Variants in F5 observed in about 807,000 individuals in gnomAD.
The protein encoded by F5 is coagulation factor V, also known as activated protein c cofactor.
F5 carries 138 observed loss-of-function variants against 216.4 expected under a neutral mutation model. The observed-to-expected ratio is 0.64, with a 90% CI of 0.56 to 0.73. F5 has a LOEUF of 0.73. F5 is among the 30% of genes least tolerant of loss of function. The pLI is 0.00. For missense variants in F5, 2,403 were observed against 2,674.0 expected (o/e 0.90, Z 2.24); for synonymous variants, 916 against 930.7 (o/e 0.98, Z 0.29).
chr1:169,569,358 C>G (rs2298907), intron 3 of F5, among the ~76,000 whole-genome samples: 41,856 of 151,914 alleles, frequency 0.28, 6,084 homozygotes, highest in South Asian at 0.36. Context: ...TATTATAGAA[C>G]TAATTTTGTG....
chr1:169,567,543 T>A (rs1008832686), intron 3 of F5, among the ~76,000 whole-genome samples: 3 of 19,972 alleles, frequency 1.5e-4, no homozygotes, highest in African/African-American at 1.1e-3. Context: ...GTAAAAGTAC[T>A]TTTTTTTTTT....
At chr1:169,526,084 C>T (rs757239401) in intron 17 of F5, 67 bp from the exon 18 acceptor site, 14 of 1,066,074 alleles carry the variant, frequency 1.3e-5, no homozygotes, top group East Asian at 2.4e-5. Flanking sequence ...TGATAGTTCT[C>T]TAAGAATCCT....
At chr1:169,548,121 A>G (rs1660057633) in intron 10 of F5, among the ~76,000 whole-genome samples, 1 of 152,230 alleles carries the variant, frequency 6.6e-6, no homozygotes, top group South Asian at 2.1e-4. Flanking sequence ...GTTTTCACTT[A>G]CAAGTGAAAG....
chr1:169,532,387 A>C (rs573819305), intron 14 of F5, among the ~76,000 whole-genome samples: 35 of 152,302 alleles, frequency 2.3e-4, no homozygotes, highest in African/African-American at 8.2e-4. Context: ...GCAACCAAAG[A>C]AGAAAAGAAG....
At position 169,542,148 on chromosome 1, in the gene F5, G is replaced by T; in HGVS notation, c.2942C>A (p.Ala981Asp). The T allele has an allele frequency of 1.9e-6, 3 of 1,614,046 alleles. No individual in the cohort carries two copies. The highest frequency in any genetic ancestry group is 2.5e-6 in the Non-Finnish European group (3 of 1,179,982). The change falls in exon 13 of 25, where the codon GCT becomes GAT. Residue 981 changes from alanine (A) to aspartate (D), a missense_variant. Coordinates refer to ENST00000367797, the MANE Select transcript of F5 (RefSeq NM_000130.5). ...GGCAAGAGGGGTGCTTTCTCCCCAAGCACGTGAGGCATTCTGGGGGCTGAT... is the reference window on the plus strand; with the variant it reads ...GGCAAGAGGGGTGCTTTCTCCCCAATCACGTGAGGCATTCTGGGGGCTGAT... ...WLISPQNASR[A>D]WGESTPLANK...
At chr1:169,524,228 CT>C in intron 19 of F5, among the ~76,000 whole-genome samples, 1 of 152,352 alleles carries the variant, frequency 6.6e-6, no homozygotes, top group Non-Finnish European at 1.5e-5. Flanking sequence ...CCTCATCATC[CT>C]CTTGATCATG....
intron 11 of F5, among the ~76,000 whole-genome samples, chr1:169,545,839 T>G (rs1443161072): frequency 1.3e-5 from 2 of 152,226 alleles, no homozygotes; most frequent in Non-Finnish European, 2.9e-5. Context: ...TCCAGCTGGC[T>G]CAGTGACATT....
chr1:169,531,814 A>T (rs960987897), intron 14 of F5, among the ~76,000 whole-genome samples: 1 of 152,164 alleles, frequency 6.6e-6, no homozygotes, highest in Admixed American at 6.6e-5. Flanking sequence ...TAGTGATTAA[A>T]GACTCCCTAA....
intron 3 of F5, among the ~76,000 whole-genome samples, chr1:169,566,616 A>G (rs1281953898): frequency 6.6e-6 from 1 of 151,098 alleles, no homozygotes; most frequent in Non-Finnish European, 1.5e-5. Flanking sequence ...AGAGTTGAAA[A>G]TATCTTGGTG....
Position 169,546,506 on chromosome 1 carries a change from A to G in F5, c.1698T>C (p.Phe566=). The change falls in exon 11 of 25, where the codon TTT becomes TTC. Residue 566 remains phenylalanine (F), a synonymous_variant. Transcript: ENST00000367797. ...GTTTCACCTCATCAGGATTTTCACA[A>G]AACTTGTTGATGTTGTCCTCAAGGT... is the stretch of plus-strand genomic sequence containing the variant. ...SWYLEDNINK[F]CENPDEVKRD... is the part of the protein sequence containing the mutation. 1 of 1,614,172 alleles carries G rather than the reference A, an allele frequency of 6.2e-7. No individual in the cohort carries two copies. Among genetic ancestry groups the G allele is most frequent in the Non-Finnish European group, 8.5e-7 (1 of 1,180,008 alleles).
At chr1:169,560,495 C>T (rs1660448993) in intron 4 of F5, 59 bp downstream of exon 4, 7 of 1,552,466 alleles carry the variant, frequency 4.5e-6, no homozygotes, top group Non-Finnish European at 6.2e-6. Context: ...TGTCCCATGA[C>T]AGAACTCCTG....
At chr1:169,585,289 C>T (rs546710127) in intron 1 of F5, among the ~76,000 whole-genome samples, 4 of 152,066 alleles carry the variant, frequency 2.6e-5, no homozygotes, top group Non-Finnish European at 5.9e-5. Context: ...ATATTATACA[C>T]TAAAAGATCT....
At chr1:169,544,799 T>C (rs979616022) in intron 11 of F5, among the ~76,000 whole-genome samples, 1 of 152,254 alleles carries the variant, frequency 6.6e-6, no homozygotes, top group Non-Finnish European at 1.5e-5. Flanking sequence ...TTGTGCTCCA[T>C]TCTCTGCCTT....
chr1:169,562,796 A>G (rs1247140420), intron 3 of F5, among the ~76,000 whole-genome samples: 2 of 152,052 alleles, frequency 1.3e-5, no homozygotes, highest in Admixed American at 6.6e-5. Flanking sequence ...TTATATATAC[A>G]TAATATACCC....
At chr1:169,524,702 T>A (rs1659394240) in intron 19 of F5, 135 bp downstream of exon 19, 2 of 785,938 alleles carry the variant, frequency 2.5e-6, no homozygotes, top group East Asian at 5.3e-5. Flanking sequence ...ATGGAGCTGC[T>A]TCACTACATT....
intron 14 of F5, among the ~76,000 whole-genome samples, chr1:169,535,244 A>G (rs957507898): frequency 1.3e-5 from 2 of 152,176 alleles, no homozygotes; most frequent in Non-Finnish European, 2.9e-5. Flanking sequence ...TCCAGGGCTA[A>G]AACAAAGATT....
At chr1:169,574,752 A>G (rs1660804833) in intron 2 of F5, among the ~76,000 whole-genome samples, 2 of 152,186 alleles carry the variant, frequency 1.3e-5, no homozygotes, top group African/African-American at 2.4e-5. Flanking sequence ...ACACAGCATC[A>G]TGATTTAAAG....
chr1:169,543,218 G>A, intron 12 of F5, 104 bp from the exon 13 acceptor site: 1 of 1,061,054 alleles, frequency 9.4e-7, no homozygotes. Flanking sequence ...CTTTCGTCAG[G>A]AATATTCAAG....
Position 169,546,605 on chromosome 1 carries a change from A to T in F5, c.1612-13T>A. 1 of 1,613,134 alleles carries T rather than the reference A, an allele frequency of 6.2e-7. No individual in the cohort carries two copies. The highest frequency in any genetic ancestry group is 8.5e-7 in the Non-Finnish European group (1 of 1,179,110). On this transcript the variant is annotated splice_polypyrimidine_tract_variant and intron_variant, in intron 10 of 24. Transcript: ENST00000367797. Reference sequence around the variant, plus strand: ...TGTCTGCTGCCCTCTGGAGGACAAAACAGTATAGTACTGGTACAAGAACAG... The same window carrying T: ...TGTCTGCTGCCCTCTGGAGGACAAATCAGTATAGTACTGGTACAAGAACAG...
Sources: allele counts gnomAD v4.1 joint callset (sites outside exome capture counted in the v4.1 genomes callset), GRCh38; gene constraint gnomAD v4.1.1; transcripts MANE v1.5; gene names NCBI Gene and HGNC (gene_info 2026-07-23, HGNC 2026-07-21).